The following MCC variants were observed in gnomAD, a reference collection of about 807,000 sequenced individuals.
MCC encodes MCC regulator of Wnt signaling pathway.
A neutral mutation model predicts 116.2 loss-of-function variants in MCC; 90 were observed. The observed-to-expected ratio is 0.77, with a 90% confidence interval of 0.65 to 0.92. The LOEUF (loss-of-function observed/expected upper bound fraction) is 0.92. Ranked by LOEUF, MCC falls within the 40% of genes least tolerant of loss-of-function variation. The pLI, the probability that MCC is intolerant of heterozygous loss-of-function variation, is 0.00. For missense variants in MCC, 1,516 were observed against 1,312.2 expected, an observed-to-expected ratio of 1.16 and a Z score of -2.40; for synonymous variants, 578 against 510.5, an observed-to-expected ratio of 1.13 and a Z score of -1.78.
chr5:113,107,175 G>A (rs1256256820), intron 6 of MCC, among the ~76,000 whole-genome samples: 4 of 151,480 alleles, frequency 2.6e-5, no homozygotes, highest in African/African-American at 9.7e-5. Flanking sequence ...TAGACAGGAA[G>A]GCTATAAACA....
intron 1 of MCC, among the ~76,000 whole-genome samples, chr5:113,409,436 T>C (rs752927368): frequency 1.3e-5 from 2 of 152,108 alleles, no homozygotes; most frequent in Non-Finnish European, 2.9e-5. Flanking sequence ...ACTGCAGCCT[T>C]GATCTCCTTG....
At chr5:113,113,037 C>A (rs917615199) in intron 6 of MCC, among the ~76,000 whole-genome samples, 7 of 152,214 alleles carry the variant, frequency 4.6e-5, no homozygotes, top group African/African-American at 1.2e-4. Context: ...TGTAGGCCTG[C>A]TACGATGTGG....
At chr5:113,115,579 C>T (rs1757347225) in intron 6 of MCC, among the ~76,000 whole-genome samples, 1 of 152,100 alleles carries the variant, frequency 6.6e-6, no homozygotes, top group South Asian at 2.1e-4. Flanking sequence ...CCTCTACTGA[C>T]CTTGGTGCCC....
At chr5:113,230,712 A>T (rs1380075304) in intron 3 of MCC, among the ~76,000 whole-genome samples, 1 of 152,174 alleles carries the variant, frequency 6.6e-6, no homozygotes, top group African/African-American at 2.4e-5. Context: ...TGCAGATATA[A>T]ATATGTGGTG....
intron 15 of MCC, 55 bp from the exon 16 acceptor site, chr5:113,049,354 T>G: frequency 7.0e-7 from 1 of 1,425,682 alleles, no homozygotes; most frequent in Non-Finnish European, 9.4e-7. Context: ...AGAGCAGGCC[T>G]GGCTGCTGCC....
intron 1 of MCC, among the ~76,000 whole-genome samples, chr5:113,441,746 T>C (rs1023576971): frequency 3.3e-5 from 5 of 152,208 alleles, no homozygotes; most frequent in African/African-American, 9.6e-5. Flanking sequence ...AGTGAGAACA[T>C]GCGGAGCTTG....
intron 5 of MCC, among the ~76,000 whole-genome samples, chr5:113,124,763 G>A (rs1266569368): frequency 4.6e-5 from 7 of 152,292 alleles, no homozygotes; most frequent in Admixed American, 4.6e-4. Context: ...GTCACAAAAT[G>A]CAAACTAAAA....
At chr5:113,214,312 G>A (rs568612030) in intron 3 of MCC, among the ~76,000 whole-genome samples, 1 of 152,298 alleles carries the variant, frequency 6.6e-6, no homozygotes, top group Non-Finnish European at 1.5e-5. Context: ...ACTACCACAT[G>A]CTCAGTCCTC....
At chr5:113,120,768 A>T (rs143842628) in intron 6 of MCC, among the ~76,000 whole-genome samples, 80 of 152,372 alleles carry the variant, frequency 5.3e-4, no homozygotes, top group African/African-American at 1.9e-3. Flanking sequence ...GCAATGACAG[A>T]GTCAACAGTT....
intron 3 of MCC, among the ~76,000 whole-genome samples, chr5:113,249,132 G>T (rs188033054): frequency 7.2e-6 from 1 of 139,368 alleles, no homozygotes; most frequent in African/African-American, 3.0e-5. Flanking sequence ...GTGAGCCACC[G>T]CACCCAGCTC....
intron 1 of MCC, among the ~76,000 whole-genome samples, chr5:113,411,856 T>TC (rs1330863615): frequency 6.6e-6 from 1 of 152,224 alleles, no homozygotes; most frequent in Admixed American, 6.5e-5. Context: ...TATGCCTATG[T>TC]CCTGAATGGT....
At chr5:113,340,184 GC>G in intron 3 of MCC, among the ~76,000 whole-genome samples, 1 of 152,312 alleles carries the variant, frequency 6.6e-6, no homozygotes, top group East Asian at 1.9e-4. Flanking sequence ...GGAAACAGAA[GC>G]AAGTATATCC....
At chr5:113,170,123 C>T (rs976561415) in intron 3 of MCC, among the ~76,000 whole-genome samples, 2 of 152,126 alleles carry the variant, frequency 1.3e-5, no homozygotes, top group African/African-American at 4.8e-5. Context: ...TTTTTAAGCA[C>T]AAAGTCATGG....
intron 1 of MCC, among the ~76,000 whole-genome samples, chr5:113,396,416 G>A (rs1269631828): frequency 6.6e-6 from 1 of 151,590 alleles, no homozygotes; most frequent in Non-Finnish European, 1.5e-5. Flanking sequence ...CAGATCATTT[G>A]AGGCCAAAAT....
chr5:113,285,750 TG>T (rs1237822424), intron 3 of MCC, among the ~76,000 whole-genome samples: 1 of 152,220 alleles, frequency 6.6e-6, no homozygotes, highest in African/African-American at 2.4e-5. Context: ...ATATCACCAC[TG>T]AACATTTGTG....
intron 1 of MCC, among the ~76,000 whole-genome samples, chr5:113,412,462 A>G (rs1644144537): frequency 6.6e-6 from 1 of 152,162 alleles, no homozygotes. Flanking sequence ...CATGGTTTGT[A>G]GTTCTCCTTG....
At chr5:113,294,888 G>C (rs1313819977) in intron 3 of MCC, 1 of 985,558 alleles carries the variant, frequency 1.0e-6, no homozygotes, top group African/African-American at 1.7e-5. Context: ...GGGAGCCGGA[G>C]CGGAGCTGCA....
intron 3 of MCC, among the ~76,000 whole-genome samples, chr5:113,215,116 G>T (rs543914862): frequency 5.3e-4 from 80 of 152,268 alleles, no homozygotes; most frequent in African/African-American, 1.8e-3. Flanking sequence ...TTTAAGTTTG[G>T]GCTCAGCTAT....
intron 3 of MCC, among the ~76,000 whole-genome samples, chr5:113,327,561 A>AAATATATAAATAT (rs1480996383): frequency 2.5e-5 from 2 of 80,584 alleles, no homozygotes; most frequent in African/African-American, 1.0e-4. Flanking sequence ...AAAAAAAAAA[A>AAATATATAAATAT]ATATATATAT....
Sources: allele counts gnomAD v4.1 joint callset (sites outside exome capture counted in the v4.1 genomes callset), GRCh38; gene constraint gnomAD v4.1.1; transcripts MANE v1.5; gene names NCBI Gene and HGNC (gene_info 2026-07-23, HGNC 2026-07-21).